The following NALF1 variants were observed in gnomAD, a reference collection of about 807,000 sequenced individuals.
The protein encoded by NALF1 is family with sequence similarity 155 member A.
A neutral mutation model predicts 48.4 loss-of-function variants in NALF1; 3 were observed. That is an observed-to-expected ratio of 0.06 (90% CI 0.03 to 0.16). The LOEUF (loss-of-function observed/expected upper bound fraction) is 0.16. NALF1 is among the 10% of genes least tolerant of loss of function. The pLI, the probability that NALF1 is intolerant of heterozygous loss-of-function variation, is 1.00. For synonymous variants in NALF1, 262 were observed against 245.7 expected, an observed-to-expected ratio of 1.07 and a Z score of -0.62; for missense variants, 526 against 571.5, an observed-to-expected ratio of 0.92 and a Z score of 0.81.
chr13:107,838,458 T>C (rs1242557522), intron 1 of NALF1, among the ~76,000 whole-genome samples: 6 of 152,194 alleles, frequency 3.9e-5, no homozygotes, highest in African/African-American at 1.2e-4. Context: ...TAAAGCACCA[T>C]GCATTTGGAA....
At chr13:107,628,740 C>G (rs1295024643) in intron 1 of NALF1, among the ~76,000 whole-genome samples, 2 of 152,150 alleles carry the variant, frequency 1.3e-5, no homozygotes, top group Non-Finnish European at 2.9e-5. Flanking sequence ...TAACTTTTTA[C>G]AAATTTTATT....
chr13:107,711,777 ACTT>A (rs1875600456), intron 1 of NALF1, among the ~76,000 whole-genome samples: 1 of 152,236 alleles, frequency 6.6e-6, no homozygotes, highest in African/African-American at 2.4e-5. Flanking sequence ...TCTCAAGACT[ACTT>A]CTAAAAACTA....
intron 1 of NALF1, among the ~76,000 whole-genome samples, chr13:107,630,576 T>C (rs369223055): frequency 1.3e-5 from 2 of 152,126 alleles, no homozygotes; most frequent in African/African-American, 4.8e-5. Context: ...CCCTGCCATA[T>C]GGTAAGCTCT....
chr13:107,251,503 C>T (rs79752761), intron 1 of NALF1, among the ~76,000 whole-genome samples: 2,289 of 152,280 alleles, frequency 0.015, 30 homozygotes, highest in Middle Eastern at 0.048. Context: ...GACTCAGTGT[C>T]TCATTAAAGA....
At chr13:107,174,532 T>G (rs1294323465) in intron 2 of NALF1, among the ~76,000 whole-genome samples, 1 of 151,852 alleles carries the variant, frequency 6.6e-6, no homozygotes, top group Non-Finnish European at 1.5e-5. Context: ...ATTTTTTGTA[T>G]TTTTAGTAGA....
At chr13:107,400,246 G>A (rs1054316519) in intron 1 of NALF1, among the ~76,000 whole-genome samples, 3 of 152,098 alleles carry the variant, frequency 2.0e-5, no homozygotes, top group Admixed American at 6.6e-5. Context: ...GATTATTAAA[G>A]AGTAATTATT....
rs79819298 is a variant in NALF1 at position 107,481,687 on chromosome 13, G to A, written c.916-270932C>T. The stretch of plus-strand genomic sequence containing the variant: ...GCAGGATAAGTGAAAATCCAAGGGG[G>A]AGGAGTGTGTGAAGTGTTATGAGGG... On this transcript the variant is annotated intron_variant, in intron 1 of 2. Transcript: ENST00000375915. Among the ~76,000 whole-genome samples the A allele has an allele frequency of 5.8e-3, 877 of 152,208 alleles. 29 individuals carry two copies. In the East Asian group the frequency reaches 0.1, roughly 17 times the overall value.
At chr13:107,320,355 CA>C (rs1218815769) in intron 1 of NALF1, among the ~76,000 whole-genome samples, 2 of 151,996 alleles carry the variant, frequency 1.3e-5, no homozygotes, top group Non-Finnish European at 2.9e-5. Flanking sequence ...ACAAAAAAGA[CA>C]AAAAACTTAA....
At chr13:107,577,775 T>G (rs1566400811) in intron 1 of NALF1, among the ~76,000 whole-genome samples, 1 of 152,176 alleles carries the variant, frequency 6.6e-6, no homozygotes, top group Non-Finnish European at 1.5e-5. Context: ...CATAAGCTTC[T>G]TAAATGCTGC....
chr13:107,568,444 TTTA>T (rs1877882008), intron 1 of NALF1, among the ~76,000 whole-genome samples: 1 of 152,222 alleles, frequency 6.6e-6, no homozygotes, highest in African/African-American at 2.4e-5. Context: ...AAAATCAGTC[TTTA>T]TTATCTGGAA....
At chr13:107,177,824 T>C (rs892814291) in intron 2 of NALF1, among the ~76,000 whole-genome samples, 2 of 152,188 alleles carry the variant, frequency 1.3e-5, no homozygotes, top group Non-Finnish European at 2.9e-5. Context: ...CCAAGGCAGA[T>C]GGATCATTTG....
chr13:107,340,508 T>TCTG (rs1171407466), intron 1 of NALF1, among the ~76,000 whole-genome samples: 5 of 135,458 alleles, frequency 3.7e-5, no homozygotes, highest in African/African-American at 1.4e-4. Context: ...TTTCTTTCTT[T>TCTG]TCTTTCTTTC....
chr13:107,712,020 C>T (rs1025883040), intron 1 of NALF1, among the ~76,000 whole-genome samples: 4 of 151,864 alleles, frequency 2.6e-5, no homozygotes, highest in African/African-American at 4.8e-5. Context: ...TAAAATCACA[C>T]AAAGTCCCAG....
intron 1 of NALF1, among the ~76,000 whole-genome samples, chr13:107,734,261 A>G (rs1249352274): frequency 6.6e-6 from 1 of 152,098 alleles, no homozygotes; most frequent in East Asian, 1.9e-4. Context: ...CCACCACATC[A>G]CTTAATTATG....
chr13:107,747,433 T>C (rs994068731), intron 1 of NALF1, among the ~76,000 whole-genome samples: 4 of 152,146 alleles, frequency 2.6e-5, no homozygotes, highest in African/African-American at 9.7e-5. Context: ...TGTACATCCA[T>C]CCTTTAGTTT....
chr13:107,235,138 A>T (rs941039690), intron 1 of NALF1, among the ~76,000 whole-genome samples: 2 of 152,180 alleles, frequency 1.3e-5, no homozygotes, highest in Admixed American at 1.3e-4. Context: ...CCACAACACC[A>T]TTCATCGTTG....
rs1878643106 is a variant in NALF1, at chr13:107,165,700, TA to T, written c.*4796del. 1.3e-5 allele frequency: 2 copies of T among 152,174 alleles called. No individual in the cohort carries two copies. The highest frequency in any genetic ancestry group is 2.9e-5 in the Non-Finnish European group (2 of 68,034). The allele number at this position is 152,174 out of a possible 1,614,324, so 9.4% of individuals were successfully genotyped here. A position where few individuals can be genotyped will look rare whatever the true frequency, so the allele number is the denominator to read the frequency against. On this transcript the variant is annotated 3_prime_UTR_variant, in exon 3 of 3. Coordinates refer to ENST00000375915, the MANE Select transcript of NALF1 (RefSeq NM_001080396.3). The stretch of plus-strand genomic sequence containing the variant: ...GAAGACATTGCTTGAAAACTATACT[TA>T]GTTATTTTCCTTCCCCCCCACTGAA...
chr13:107,827,659 A>G (rs1028561460), intron 1 of NALF1, among the ~76,000 whole-genome samples: 1 of 152,156 alleles, frequency 6.6e-6, no homozygotes, highest in African/African-American at 2.4e-5. Flanking sequence ...GTTTGTTTTT[A>G]TATTTGTTTG....
At chr13:107,216,737 C>T (rs1033508071) in intron 1 of NALF1, among the ~76,000 whole-genome samples, 1 of 152,152 alleles carries the variant, frequency 6.6e-6, no homozygotes, top group African/African-American at 2.4e-5. Flanking sequence ...CAAAATGAGG[C>T]TCCTGCAGTG....
Sources: gnomAD v4.1 joint callset for allele counts (sites outside exome capture counted in the v4.1 genomes callset) on GRCh38, gnomAD v4.1.1 for gene constraint, MANE v1.5 for transcripts, NCBI Gene and HGNC (gene_info 2026-07-23, HGNC 2026-07-21) for gene names.